The following FRMPD2 variants were observed in gnomAD, a reference collection of about 807,000 sequenced individuals.
FRMPD2 encodes FERM and PDZ domain containing 2.
FRMPD2 carries 96 observed loss-of-function variants against 140.1 expected under a neutral mutation model. The observed-to-expected ratio is 0.69, with a 90% CI of 0.58 to 0.81. The LOEUF is 0.81. FRMPD2 is among the 40% of genes least tolerant of loss of function. FRMPD2 has a pLI of 0.00. For missense variants in FRMPD2, 1,240 were observed against 1,447.4 expected (o/e 0.86, Z 2.32); for synonymous variants, 449 against 547.6 (o/e 0.82, Z 2.52).
intron 10 of FRMPD2, 108 bp downstream of exon 10, chr10:48,232,007 G>C: frequency 1.1e-6 from 1 of 952,214 alleles, no homozygotes. Context: ...ACAAAGGGAG[G>C]CACCCAAGTC....
At chr10:48,236,356 T>A (rs1588846409) in intron 9 of FRMPD2, 126 bp downstream of exon 9, 1 of 784,912 alleles carries the variant, frequency 1.3e-6, no homozygotes, top group East Asian at 2.5e-5. Context: ...CTGGCAGAGG[T>A]CTGGGGGAAA....
At chr10:48,221,866 A>G (rs968615251) in intron 12 of FRMPD2, among the ~76,000 whole-genome samples, 2 of 149,568 alleles carry the variant, frequency 1.3e-5, no homozygotes, top group African/African-American at 4.9e-5. Flanking sequence ...GGATAGGTAG[A>G]TGGATGGGTG....
intron 5 of FRMPD2, 114 bp downstream of exon 5, chr10:48,242,047 C>T (rs1315382127): frequency 2.7e-6 from 2 of 745,194 alleles, no homozygotes; most frequent in African/African-American, 1.8e-5. Flanking sequence ...ACAGATGTGA[C>T]TGATTAATTT....
intron 13 of FRMPD2, 40 bp from the exon 14 acceptor site, chr10:48,206,973 T>C: frequency 6.3e-7 from 1 of 1,589,950 alleles, no homozygotes; most frequent in East Asian, 2.2e-5. Context: ...GACAGGCACA[T>C]GGTTTAAAAT....
rs779381525 is a variant in FRMPD2 at position 48,232,205 on chromosome 10, C to CA, written c.1077dup (p.Val360CysfsTer2). 1.1e-4 allele frequency: 174 copies of CA among 1,614,192 alleles called. 1 individual carries two copies. In the African/African-American group the frequency reaches 2.1e-3, roughly 19 times the overall value. On this transcript the variant is annotated frameshift_variant, in exon 10 of 29. Coordinates refer to ENST00000374201, the MANE Select transcript of FRMPD2 (RefSeq NM_001018071.4). LOFTEE classifies it high-confidence loss of function. ...AAGACAGCTCCCACTGTTGATTCAA[C>CA]ATCACATTTTACCTCCAGGTGCTGC...
rs1205062160 is a variant in FRMPD2, at chr10:48,242,337, C to T, written c.391G>A (p.Glu131Lys). 5.0e-6 allele frequency: 8 copies of T among 1,612,856 alleles called. No homozygotes were observed. Among genetic ancestry groups the T allele is most frequent in the Non-Finnish European group, 6.8e-6 (8 of 1,179,312 alleles). Residue 131 changes from glutamate to lysine, a missense_variant, in exon 5 of 29, where the codon GAG (glutamate) becomes AAG (lysine). Physicochemically the swap from Glu to Lys is moderately conservative, Grantham distance 56. Transcript: ENST00000374201. ...VPPHQPLQLCEPLHSILLTMC... is the reference protein window; with the variant it reads ...VPPHQPLQLCKPLHSILLTMC... ...GTCAGCAGGATGGAGTGCAGGGGCT[C>T]GCAGAGCTGCAGGGGCTGGAGGCAG...
intron 1 of FRMPD2, among the ~76,000 whole-genome samples, chr10:48,264,759 A>G (rs1840651742): frequency 6.6e-6 from 1 of 152,168 alleles, no homozygotes; most frequent in Non-Finnish European, 1.5e-5. Context: ...AATCCCAGAA[A>G]TTTATTTTGT....
chr10:48,254,080 T>C (rs1039491013), intron 1 of FRMPD2, among the ~76,000 whole-genome samples: 2 of 151,622 alleles, frequency 1.3e-5, no homozygotes, highest in Admixed American at 1.3e-4. Flanking sequence ...AAAAAAGTTG[T>C]CATGCTTGTT....
chr10:48,196,417 C>A (rs1838951391), intron 15 of FRMPD2, among the ~76,000 whole-genome samples: 2 of 152,194 alleles, frequency 1.3e-5, no homozygotes. Flanking sequence ...AGCAGCAAGT[C>A]CATTATGTGA....
At chr10:48,246,558 T>G (rs1021994975) in intron 3 of FRMPD2, among the ~76,000 whole-genome samples, 3 of 152,200 alleles carry the variant, frequency 2.0e-5, no homozygotes, top group African/African-American at 7.2e-5. Flanking sequence ...ACAGATGACT[T>G]GTAGTTAGAG....
chr10:48,159,748 G>A lies in FRMPD2; in HGVS notation c.3882-2378C>T, dbSNP rs189309602. ...ACAAAGTGATGCTTGTTGAACTTAC[G>A]TGCATTTTACTTACATGAGTTTAAT... is the stretch of plus-strand genomic sequence containing the variant. On this transcript the variant is annotated intron_variant, in intron 28 of 28. Transcript: ENST00000374201. 1.8e-3 allele frequency among the ~76,000 whole-genome samples: 273 copies of A among 151,566 alleles called. 4 individuals carry two copies. Among genetic ancestry groups the A allele is most frequent in the African/African-American group, 6.3e-3 (259 of 41,208 alleles).
At chr10:48,202,225 T>G (rs935863570) in intron 14 of FRMPD2, among the ~76,000 whole-genome samples, 18 of 152,168 alleles carry the variant, frequency 1.2e-4, no homozygotes, top group African/African-American at 3.9e-4. Context: ...ATTCTAGATA[T>G]TCTATCTATT....
In FRMPD2 at chr10:48,201,332, A is replaced by G. The variant is rs1287920432; in HGVS notation, c.1850T>C (p.Val617Ala). ...TTTACTGGTCTTGGCTGAATCTGTG[A>G]CAAATGTGTGCTTCTTCCCAGTGAC... ...SSVTGKKHTF[V>A]TDSAKTSKYL... Residue 617 changes from valine (V) to alanine (A), a missense_variant, in exon 15 of 29, where the codon GTC becomes GCC. By Grantham distance (64) the Val-to-Ala change is moderately conservative. Transcript: ENST00000374201. 1 of 1,613,942 alleles carries G rather than the reference A, an allele frequency of 6.2e-7. No individual in the cohort carries two copies. The highest frequency in any genetic ancestry group is 1.1e-5 in the South Asian group (1 of 91,070).
intron 7 of FRMPD2, 132 bp downstream of exon 7, chr10:48,239,473 T>G (rs1229402700): frequency 1.7e-6 from 1 of 599,218 alleles, no homozygotes; most frequent in Non-Finnish European, 2.9e-6. Context: ...CATCTGTTAA[T>G]GGAATAGCAT....
In FRMPD2 at chr10:48,212,058, G is replaced by A. The variant is rs751824166; in HGVS notation, c.1507C>T (p.Leu503=). ...FHVEDYIPAS[L]IERMTALRVQ... The stretch of plus-strand genomic sequence containing the variant: ...CGTAGAGCGGTCATCCTCTCGATCA[G>A]ACTCGCTGGGATGTAATCTTCAACG... The change falls in exon 13 of 29, where the codon CTG becomes TTG. Residue 503 remains leucine (L), a synonymous_variant. Coordinates refer to ENST00000374201, the MANE Select transcript of FRMPD2 (RefSeq NM_001018071.4). The A allele has an allele frequency of 3.7e-6, 6 of 1,614,082 alleles. No individual in the cohort carries two copies. In the African/African-American group the frequency reaches 6.7e-5, roughly 18 times the overall value.
intron 1 of FRMPD2, among the ~76,000 whole-genome samples, chr10:48,267,664 T>C (rs57740407): frequency 0.013 from 2,009 of 152,294 alleles, 45 homozygotes; most frequent in African/African-American, 0.046. Flanking sequence ...GGCAAAGGAC[T>C]CAAATAGATA....
chr10:48,167,831 T>G (rs1838137892), intron 27 of FRMPD2, among the ~76,000 whole-genome samples: 1 of 151,830 alleles, frequency 6.6e-6, no homozygotes, highest in Admixed American at 6.6e-5. Flanking sequence ...TCTTCCATAA[T>G]GTAGTGGGCC....
intron 10 of FRMPD2, among the ~76,000 whole-genome samples, chr10:48,224,566 A>T (rs1386154919): frequency 6.6e-6 from 1 of 152,060 alleles, no homozygotes; most frequent in African/African-American, 2.4e-5. Flanking sequence ...CCCACACGGG[A>T]CTCACCCTTC....
At chr10:48,186,462 G>A (rs537679041) in intron 17 of FRMPD2, among the ~76,000 whole-genome samples, 232 of 152,248 alleles carry the variant, frequency 1.5e-3, no homozygotes, top group Admixed American at 2.9e-3. Context: ...GAATCACGGG[G>A]GCTGGTCTTT....
Sources: gnomAD v4.1 joint callset for allele counts (sites outside exome capture counted in the v4.1 genomes callset) on GRCh38, gnomAD v4.1.1 for gene constraint, MANE v1.5 for transcripts, NCBI Gene and HGNC (gene_info 2026-07-23, HGNC 2026-07-21) for gene names.